The following PAPOLG variants were observed in gnomAD, a reference collection of about 807,000 sequenced individuals.
PAPOLG encodes poly(A) polymerase gamma, also known as PAP-gamma.
A neutral mutation model predicts 99.0 loss-of-function variants in PAPOLG; 40 were observed. The ratio of observed to expected loss-of-function variants is 0.40; its 90% CI spans 0.31 to 0.53. The LOEUF (loss-of-function observed/expected upper bound fraction) is 0.53, where lower values mean the gene tolerates loss of function less well. PAPOLG is among the 20% of genes least tolerant of loss of function. PAPOLG has a pLI of 0.41. For synonymous variants in PAPOLG, 310 were observed against 299.3 expected (o/e 1.04, Z -0.37); for missense variants, 675 against 884.1 (o/e 0.76, Z 3.00).
At chr2:60,777,691 C>T (rs2103792491) in intron 8 of PAPOLG, among the ~76,000 whole-genome samples, 1 of 152,248 alleles carries the variant, frequency 6.6e-6, no homozygotes, top group East Asian at 1.9e-4. Context: ...AGACATACGA[C>T]TCTTTCTTTT....
chr2:60,778,344 T>A (rs1002073564), intron 8 of PAPOLG, among the ~76,000 whole-genome samples: 2 of 132,454 alleles, frequency 1.5e-5, no homozygotes, highest in African/African-American at 5.8e-5. Flanking sequence ...TTTTATTTTA[T>A]TTATTTATTT....
chr2:60,770,856 C>T (rs1670832358), intron 6 of PAPOLG, among the ~76,000 whole-genome samples: 1 of 152,136 alleles, frequency 6.6e-6, no homozygotes, highest in Non-Finnish European at 1.5e-5. Flanking sequence ...ATCTCCTGAC[C>T]TCGTGATCCG....
At chr2:60,758,036 TTGAC>T (rs1158603214) in intron 1 of PAPOLG, among the ~76,000 whole-genome samples, 2 of 152,200 alleles carry the variant, frequency 1.3e-5, no homozygotes, top group African/African-American at 4.8e-5. Flanking sequence ...TGTCCTCTCT[TTGAC>T]TTTCAGGTAC....
chr2:60,780,756 A>T lies in PAPOLG; in HGVS notation c.883A>T (p.Asn295Tyr). The T allele has an allele frequency of 6.2e-7, 1 of 1,613,918 alleles. No homozygotes were observed. Among genetic ancestry groups the T allele is most frequent in the Non-Finnish European group, 8.5e-7 (1 of 1,179,806 alleles). Reference protein sequence around the residue: ...LLKQPEESNLNLPVWDPRVNP... With the variant: ...LLKQPEESNLYLPVWDPRVNP... The stretch of plus-strand genomic sequence containing the variant: ...GAAGCAACCAGAAGAAAGCAATTTG[A>T]ATTTGCCTGTCTGGGATCCTCGGGT... Residue 295 changes from asparagine to tyrosine, a missense_variant, in exon 10 of 22, where the codon AAT (asparagine) becomes TAT (tyrosine). Physicochemically the swap from Asn to Tyr is moderately radical, Grantham distance 143. Coordinates refer to ENST00000238714, the MANE Select transcript of PAPOLG (RefSeq NM_022894.4).
chr2:60,783,874 T>A lies in PAPOLG; in HGVS notation c.1166+665T>A, dbSNP rs1223079956. ...GAGGGACATGAGCAAAAGACACATG[T>A]ATAGATGTTGCTTCTTATTGCTTCT... On this transcript the variant is annotated intron_variant, in intron 13 of 21. Coordinates refer to ENST00000238714, the MANE Select transcript of PAPOLG (RefSeq NM_022894.4). 2.0e-5 allele frequency among the ~76,000 whole-genome samples: 3 copies of A among 152,250 alleles called. No individual in the cohort carries two copies. In the East Asian group the frequency reaches 5.8e-4, roughly 29 times the overall value.
intron 13 of PAPOLG, among the ~76,000 whole-genome samples, chr2:60,785,131 C>T (rs1486713673): frequency 1.3e-5 from 2 of 151,666 alleles, no homozygotes; most frequent in African/African-American, 2.4e-5. Context: ...TTAGTGAATT[C>T]TTTTTTTGTT....
intron 7 of PAPOLG, among the ~76,000 whole-genome samples, chr2:60,773,666 T>C (rs1366345573): frequency 6.6e-6 from 1 of 150,918 alleles, no homozygotes; most frequent in Non-Finnish European, 1.5e-5. Flanking sequence ...TATTTGGATG[T>C]TCCAAATGTT....
At chr2:60,783,500 CTTTTTTTTTTT>C (rs761205449) in intron 13 of PAPOLG, among the ~76,000 whole-genome samples, 10 of 45,362 alleles carry the variant, frequency 2.2e-4, no homozygotes, top group East Asian at 3.9e-4. Context: ...TTTACCCGGC[CTTTTTTTTTTT>C]TTTTTTTTTT....
chr2:60,777,326 C>T (rs1279203252), intron 8 of PAPOLG, among the ~76,000 whole-genome samples: 1 of 152,026 alleles, frequency 6.6e-6, no homozygotes, highest in African/African-American at 2.4e-5. Flanking sequence ...TGTGGTGGCA[C>T]GTGCCTGTAA....
intron 21 of PAPOLG, 88 bp from the exon 22 acceptor site, chr2:60,796,972 TCC>T: frequency 6.5e-7 from 1 of 1,533,656 alleles, no homozygotes; most frequent in Non-Finnish European, 8.8e-7. Flanking sequence ...GGAGAAAAAC[TCC>T]CCAAGTTTTG....
chr2:60,794,305 T>G, intron 19 of PAPOLG, 114 bp downstream of exon 19: 1 of 1,076,336 alleles, frequency 9.3e-7, no homozygotes, highest in Admixed American at 3.1e-5. Flanking sequence ...GAAAAGAATA[T>G]TTACCCAAAT....
At chr2:60,794,822 A>C in intron 20 of PAPOLG, 47 bp downstream of exon 20, 1 of 1,546,196 alleles carries the variant, frequency 6.5e-7, no homozygotes, top group South Asian at 1.1e-5. Flanking sequence ...GTAAAGCGCC[A>C]TGTATCAGGA....
intron 7 of PAPOLG, among the ~76,000 whole-genome samples, chr2:60,774,011 C>T (rs915294375): frequency 1.3e-5 from 2 of 152,026 alleles, no homozygotes; most frequent in Non-Finnish European, 2.9e-5. Flanking sequence ...ATGTTCTTTC[C>T]CCACCTTTAT....
intron 17 of PAPOLG, among the ~76,000 whole-genome samples, chr2:60,793,212 A>AC (rs1671595717): frequency 6.7e-6 from 1 of 149,984 alleles, no homozygotes; most frequent in Non-Finnish European, 1.5e-5. Flanking sequence ...GTCTAAAAAA[A>AC]AAAAAAAAAA....
rs374433129 is a variant in PAPOLG at position 60,770,504 on chromosome 2, G to A, written c.485G>A (p.Gly162Asp). 1 of 1,570,836 alleles carries A rather than the reference G, an allele frequency of 6.4e-7. No individual in the cohort carries two copies. The highest frequency in any genetic ancestry group is 8.7e-7 in the Non-Finnish European group (1 of 1,149,794). Residue 162 changes from glycine to aspartate, a missense_variant, in exon 6 of 22, where the codon GGT (glycine) becomes GAT (aspartate). Gly to Asp is a moderately conservative substitution (Grantham distance 94). Transcript: ENST00000238714. ...FVPVIKFEFD[G>D]IEIDLVFARL... The stretch of plus-strand genomic sequence containing the variant: ...CCTGTTATAAAATTTGAATTTGATG[G>A]TATTGAAGTAAGTGTTTAATATTTT...
chr2:60,788,246 A>G (rs1217200030), intron 15 of PAPOLG, among the ~76,000 whole-genome samples: 1 of 152,172 alleles, frequency 6.6e-6, no homozygotes, highest in Non-Finnish European at 1.5e-5. Flanking sequence ...CTTCTAGGTC[A>G]GGGTACAGGA....
intron 8 of PAPOLG, 48 bp from the exon 9 acceptor site, chr2:60,779,589 A>T: frequency 6.5e-7 from 1 of 1,545,740 alleles, no homozygotes. Context: ...AAAGAATGTC[A>T]CAGATAGTAG....
At chr2:60,775,910 C>T (rs1391993052) in intron 8 of PAPOLG, among the ~76,000 whole-genome samples, 1 of 151,878 alleles carries the variant, frequency 6.6e-6, no homozygotes, top group African/African-American at 2.4e-5. Flanking sequence ...ATTATAGGCA[C>T]GCACCACCAT....
Position 60,779,801 on chromosome 2 carries a change from C to G in PAPOLG, c.833+26C>G, listed in dbSNP as rs991240008. 6 of 1,581,612 alleles carry G rather than the reference C, an allele frequency of 3.8e-6. No homozygotes were observed. In the African/African-American group the frequency reaches 5.4e-5, roughly 14 times the overall value. ...GTAAGTATTTACGTGTGTACTTTGA[C>G]TGTTTACTAATCTCTACCTATGCGT... On this transcript the variant is annotated intron_variant, in intron 9 of 21. Coordinates refer to ENST00000238714, the MANE Select transcript of PAPOLG (RefSeq NM_022894.4).
Sources: allele counts gnomAD v4.1 joint callset (sites outside exome capture counted in the v4.1 genomes callset), GRCh38; gene constraint gnomAD v4.1.1; transcripts MANE v1.5; gene names NCBI Gene and HGNC (gene_info 2026-07-23, HGNC 2026-07-21).